Variants in CHODL observed in about 807,000 individuals in gnomAD.
The protein encoded by CHODL is chondrolectin.
Under a neutral mutation model 34.5 loss-of-function variants are expected in CHODL, and 29 were observed. The ratio of observed to expected loss-of-function variants is 0.84; its 90% CI spans 0.63 to 1.15. The LOEUF (loss-of-function observed/expected upper bound fraction) is 1.15, where lower values mean the gene tolerates loss of function less well. CHODL is among the 50% of genes most tolerant of loss of function. CHODL has a pLI of 0.00. For missense variants in CHODL, 332 were observed against 332.5 expected (o/e 1.00, Z 0.01); for synonymous variants, 125 against 116.1 (o/e 1.08, Z -0.49).
At chr21:17,921,200 T>A (rs2063181113) in intron 1 of CHODL, among the ~76,000 whole-genome samples, 2 of 152,178 alleles carry the variant, frequency 1.3e-5, no homozygotes, top group Non-Finnish European at 2.9e-5. Context: ...ATGATGCCAA[T>A]GAAATGTGAA....
At chr21:17,977,904 C>T (rs1198124459) in intron 1 of CHODL, among the ~76,000 whole-genome samples, 1 of 111,728 alleles carries the variant, frequency 9.0e-6, no homozygotes, top group East Asian at 2.8e-4. Flanking sequence ...GGCAACAGAG[C>T]AACACTCCCA....
intron 1 of CHODL, among the ~76,000 whole-genome samples, chr21:18,020,574 C>A (rs1202134525): frequency 6.6e-6 from 1 of 152,100 alleles, no homozygotes; most frequent in Non-Finnish European, 1.5e-5. Flanking sequence ...TAAATTTACA[C>A]CTTTTATTCT....
chr21:18,148,503 A>G (rs1000648760), intron 2 of CHODL, among the ~76,000 whole-genome samples: 5 of 152,268 alleles, frequency 3.3e-5, no homozygotes, highest in African/African-American at 1.2e-4. Flanking sequence ...GGTTTTATAG[A>G]AGTTTAATGT....
At position 18,162,593 on chromosome 21, in the gene CHODL, T is replaced by A. The variant is rs148628681; in HGVS notation, c.-44-93916T>A. Among the ~76,000 whole-genome samples, 49 of 152,264 alleles carry A rather than the reference T, an allele frequency of 3.2e-4. No individual in the cohort carries two copies. In the East Asian group the frequency reaches 6.4e-3, roughly 20 times the overall value. On this transcript the variant is annotated intron_variant, in intron 2 of 6. Coordinates refer to the CHODL transcript ENST00000400127. ...CTTAATTACATCTGCAATGACCCTA[T>A]TTCCAACAAAGGTCACATTTTGAGG...
intron 2 of CHODL, among the ~76,000 whole-genome samples, chr21:18,171,006 C>T (rs535646578): frequency 6.6e-6 from 1 of 151,196 alleles, no homozygotes; most frequent in African/African-American, 2.4e-5. Context: ...ATATAAATTT[C>T]TCCTTTGTTT....
chr21:18,217,665 T>C (rs2073843576), intron 2 of CHODL, among the ~76,000 whole-genome samples: 1 of 151,842 alleles, frequency 6.6e-6, no homozygotes, highest in African/African-American at 2.4e-5. Context: ...TTCCCAACAG[T>C]CCCCCAAAGT....
intron 2 of CHODL, among the ~76,000 whole-genome samples, chr21:18,138,964 A>G (rs1356788505): frequency 6.6e-6 from 1 of 152,158 alleles, no homozygotes; most frequent in Admixed American, 6.5e-5. Context: ...GTTGCAGTAG[A>G]AATGAAAAAG....
At chr21:18,119,686 G>A (rs1483234179) in intron 2 of CHODL, among the ~76,000 whole-genome samples, 1 of 152,012 alleles carries the variant, frequency 6.6e-6, no homozygotes, top group Admixed American at 6.6e-5. Context: ...CAGGGTAGGG[G>A]GTTTATGGAG....
intron 2 of CHODL, among the ~76,000 whole-genome samples, chr21:18,159,603 C>T (rs2073073339): frequency 6.6e-6 from 1 of 152,194 alleles, no homozygotes; most frequent in Non-Finnish European, 1.5e-5. Context: ...TTTTGGGAAG[C>T]AGAATCATTC....
At chr21:18,208,119 G>A (rs1170965608) in intron 2 of CHODL, among the ~76,000 whole-genome samples, 1 of 148,018 alleles carries the variant, frequency 6.8e-6, no homozygotes, top group Non-Finnish European at 1.5e-5. Flanking sequence ...ACTGTTTTGA[G>A]TTTATTTCTA....
intron 2 of CHODL, among the ~76,000 whole-genome samples, chr21:18,156,063 G>A (rs546588221): frequency 6.6e-6 from 1 of 152,304 alleles, no homozygotes; most frequent in South Asian, 2.1e-4. Context: ...CTCTGCTGAA[G>A]TATGACCTGA....
chr21:17,923,694 C>A (rs2063201376), intron 1 of CHODL, among the ~76,000 whole-genome samples: 1 of 152,068 alleles, frequency 6.6e-6, no homozygotes, highest in Non-Finnish European at 1.5e-5. Context: ...AACTCCTGAC[C>A]TCGTGATTCG....
intron 2 of CHODL, among the ~76,000 whole-genome samples, chr21:18,158,698 T>C (rs2073061126): frequency 6.6e-6 from 1 of 151,280 alleles, no homozygotes; most frequent in South Asian, 2.1e-4. Context: ...ATCAGCTGGG[T>C]GTGGTGGCAG....
chr21:18,085,899 C>T (rs1328861381), intron 2 of CHODL, among the ~76,000 whole-genome samples: 1 of 152,074 alleles, frequency 6.6e-6, no homozygotes, highest in Non-Finnish European at 1.5e-5. Context: ...TTCTGACTCT[C>T]TTGCAAGACA....
At chr21:18,124,165 C>T (rs558302208) in intron 2 of CHODL, among the ~76,000 whole-genome samples, 69 of 152,282 alleles carry the variant, frequency 4.5e-4, no homozygotes, top group African/African-American at 1.6e-3. Flanking sequence ...TGGCATGTGA[C>T]GTTCTGTTCC....
chr21:17,982,909 G>A (rs1367567679), intron 1 of CHODL, among the ~76,000 whole-genome samples: 2 of 151,750 alleles, frequency 1.3e-5, no homozygotes, highest in African/African-American at 4.8e-5. Flanking sequence ...ATTTTTAGTA[G>A]AGATGGGGTT....
chr21:18,138,552 G>T (rs2072765032), intron 2 of CHODL, among the ~76,000 whole-genome samples: 1 of 152,088 alleles, frequency 6.6e-6, no homozygotes, highest in South Asian at 2.1e-4. Flanking sequence ...GATTTTGCAA[G>T]TTCCTAAAAG....
chr21:18,250,564 A>G (rs2146795476), intron 1 of CHODL, among the ~76,000 whole-genome samples: 1 of 152,154 alleles, frequency 6.6e-6, no homozygotes, highest in African/African-American at 2.4e-5. Context: ...AAAGTTTATT[A>G]TAATAAAACT....
chr21:18,090,779 G>C (rs1368798897), intron 2 of CHODL, among the ~76,000 whole-genome samples: 1 of 149,574 alleles, frequency 6.7e-6, no homozygotes, highest in African/African-American at 2.5e-5. Context: ...AAAGCTATAG[G>C]GGCACAGCAA....
Sources: gnomAD v4.1 joint callset for allele counts (sites outside exome capture counted in the v4.1 genomes callset) on GRCh38, gnomAD v4.1.1 for gene constraint, MANE v1.5 for transcripts, NCBI Gene and HGNC (gene_info 2026-07-23, HGNC 2026-07-21) for gene names.